The following RBFOX1 variants were observed in gnomAD, a reference collection of about 807,000 sequenced individuals.
RBFOX1 encodes the protein RNA binding fox-1 homolog 1.
RBFOX1 carries 8 observed loss-of-function variants against 57.7 expected under a neutral mutation model. The observed-to-expected ratio is 0.14, with a 90% confidence interval of 0.08 to 0.25. The LOEUF (loss-of-function observed/expected upper bound fraction) is 0.25. Among genes scored for constraint, RBFOX1 ranks in the 10% least tolerant of loss-of-function variants. The pLI is 1.00. For missense variants in RBFOX1, 611 were observed against 548.5 expected (o/e 1.11, Z -1.14); for synonymous variants, 326 against 222.4 (o/e 1.47, Z -4.15).
intron 4 of RBFOX1, among the ~76,000 whole-genome samples, chr16:7,113,154 T>C (rs543085746): frequency 6.6e-6 from 1 of 152,148 alleles, no homozygotes. Flanking sequence ...CGTTTTTAAT[T>C]TGTCAACTAA....
chr16:7,604,755 A>G (rs1011295637), intron 9 of RBFOX1, among the ~76,000 whole-genome samples: 21 of 152,214 alleles, frequency 1.4e-4, no homozygotes, highest in Non-Finnish European at 1.2e-4. Flanking sequence ...TGGCAAATTT[A>G]TAATCTTTAA....
At chr16:7,437,619 A>G (rs1254870594) in intron 4 of RBFOX1, among the ~76,000 whole-genome samples, 1 of 152,216 alleles carries the variant, frequency 6.6e-6, no homozygotes, top group Non-Finnish European at 1.5e-5. Context: ...CTTTTATAAC[A>G]TAAAGGCTGT....
intron 14 of RBFOX1, among the ~76,000 whole-genome samples, chr16:7,704,680 G>A (rs1010444506): frequency 3.3e-5 from 5 of 152,170 alleles, no homozygotes; most frequent in African/African-American, 1.2e-4. Flanking sequence ...ATGATCAGGT[G>A]GAGTGGGAAA....
intron 3 of RBFOX1, among the ~76,000 whole-genome samples, chr16:6,870,877 G>C (rs2060745640): frequency 6.6e-6 from 1 of 152,146 alleles, no homozygotes; most frequent in Admixed American, 6.5e-5. Flanking sequence ...CTAACTTTGA[G>C]AGACTTGAAT....
At chr16:6,898,398 G>A (rs1055134143) in intron 3 of RBFOX1, among the ~76,000 whole-genome samples, 1 of 152,124 alleles carries the variant, frequency 6.6e-6, no homozygotes, top group Admixed American at 6.6e-5. Flanking sequence ...GTGCACCCCA[G>A]CCCCTGACAT....
chr16:6,151,363 G>A (rs911657111), intron 1 of RBFOX1, among the ~76,000 whole-genome samples: 5 of 152,128 alleles, frequency 3.3e-5, no homozygotes, highest in African/African-American at 1.2e-4. Context: ...TCGGCTCACT[G>A]CAACCTCTGC....
At position 6,931,315 on chromosome 16, in the gene RBFOX1, A is replaced by G. The variant is rs532640053; in HGVS notation, c.-15-120742A>G. ...TGTCTGTCTATCTATCTATCTATCT[A>G]TCTATCTATCTATCTATCTATCTCT... On this transcript the variant is annotated intron_variant, in intron 3 of 15. Coordinates refer to ENST00000550418, the MANE Select transcript of RBFOX1 (RefSeq NM_018723.4). Among the ~76,000 whole-genome samples the G allele has an allele frequency of 1.2e-4, 15 of 127,906 alleles. 1 individual carries two copies. Among genetic ancestry groups the G allele is most frequent in the African/African-American group, 4.1e-4 (12 of 29,238 alleles). The allele number at this position is 127,906 out of a possible 152,430, so 83.9% of individuals were successfully genotyped here.
chr16:5,989,176 A>C (rs939922176), intron 4 of RBFOX1, among the ~76,000 whole-genome samples: 1 of 151,424 alleles, frequency 6.6e-6, no homozygotes, highest in Admixed American at 6.6e-5. Flanking sequence ...AAAAAAATAC[A>C]AAAAATTAGC....
intron 2 of RBFOX1, among the ~76,000 whole-genome samples, chr16:5,566,320 C>T (rs567445294): frequency 6.6e-6 from 1 of 151,962 alleles, no homozygotes. Flanking sequence ...ATTCCACTGT[C>T]GGAAGATAGA....
chr16:7,025,584 G>C (rs1377715507), intron 3 of RBFOX1, among the ~76,000 whole-genome samples: 2 of 152,122 alleles, frequency 1.3e-5, no homozygotes, highest in East Asian at 1.9e-4. Flanking sequence ...GTGTGCATTT[G>C]CATGCTTCTC....
chr16:5,836,181 A>G (rs528905008), intron 3 of RBFOX1, among the ~76,000 whole-genome samples: 47 of 152,242 alleles, frequency 3.1e-4, no homozygotes, highest in African/African-American at 1.0e-3. Flanking sequence ...ACCAAGGGGG[A>G]CATGGGCTCT....
chr16:7,507,561 C>CTTTTTTTTTTTT lies in RBFOX1; in HGVS notation c.28-10583_28-10582insTTTTTTTTTTTT, dbSNP rs200393762. 4.9e-5 allele frequency among the ~76,000 whole-genome samples: 6 copies of CTTTTTTTTTTTT among 122,904 alleles called. 1 individual carries two copies. Among genetic ancestry groups the CTTTTTTTTTTTT allele is most frequent in the African/African-American group, 8.7e-5 (3 of 34,548 alleles). The allele number at this position is 122,904 out of a possible 152,430, so 80.6% of individuals were successfully genotyped here. ...TTGGAACGTGATTTTTTTTTTCTTT[C>CTTTTTTTTTTTT]TTTCTTTTTTTTTTTTTTTTGAGAC... On this transcript the variant is annotated intron_variant, in intron 4 of 15. Transcript: ENST00000550418.
chr16:6,208,066 A>G (rs558349854), intron 1 of RBFOX1, among the ~76,000 whole-genome samples: 1 of 152,154 alleles, frequency 6.6e-6, no homozygotes, highest in South Asian at 2.1e-4. Flanking sequence ...GTGTATATAT[A>G]TAGTCTGGCG....
chr16:6,582,568 C>G lies in RBFOX1; in HGVS notation c.-63-72035C>G, dbSNP rs368728702. 3.3e-3 allele frequency among the ~76,000 whole-genome samples: 499 copies of G among 151,834 alleles called. 5 individuals are homozygous for G. The highest frequency in any genetic ancestry group is 0.011 in the African/African-American group (474 of 41,420). Reference sequence around the variant, plus strand: ...CTTGAATCTATTAATTCTGGGCCTCCTCAATGAAAGGTTAAATTCATTTAA... The same window carrying G: ...CTTGAATCTATTAATTCTGGGCCTCGTCAATGAAAGGTTAAATTCATTTAA... On this transcript the variant is annotated intron_variant, in intron 2 of 15. Transcript: ENST00000550418.
intron 4 of RBFOX1, among the ~76,000 whole-genome samples, chr16:5,868,596 A>G (rs1465104678): frequency 4.6e-5 from 7 of 152,226 alleles, no homozygotes; most frequent in Admixed American, 4.6e-4. Flanking sequence ...CCTCGGATAC[A>G]GTAACTTGGT....
chr16:7,528,434 A>G (rs1018763855), intron 5 of RBFOX1, among the ~76,000 whole-genome samples: 3 of 152,210 alleles, frequency 2.0e-5, no homozygotes, highest in Admixed American at 2.0e-4. Context: ...TGAAGGACCT[A>G]ATTCCCTCTG....
chr16:5,848,383 C>T (rs957186426), intron 3 of RBFOX1, among the ~76,000 whole-genome samples: 10 of 152,074 alleles, frequency 6.6e-5, no homozygotes, highest in Non-Finnish European at 1.2e-4. Context: ...GTGCCTTCCC[C>T]ACTGAGGTTA....
rs186658286 is a variant in RBFOX1 at position 6,195,993 on chromosome 16, C to T, written c.-126-121002C>T. Among the ~76,000 whole-genome samples the T allele has an allele frequency of 2.0e-5, 3 of 152,250 alleles. No individual in the cohort carries two copies. The East Asian group carries it at 5.8e-4, about 29-fold the overall frequency. The stretch of plus-strand genomic sequence containing the variant: ...AGAAGTCTGGATTTGAAGTAAGAAT[C>T]ATAAAGACTAGGAGTACTTGTAATA... On this transcript the variant is annotated intron_variant, in intron 1 of 15. Coordinates refer to ENST00000550418, the MANE Select transcript of RBFOX1 (RefSeq NM_018723.4).
intron 3 of RBFOX1, among the ~76,000 whole-genome samples, chr16:6,801,633 A>C (rs2085481252): frequency 1.3e-5 from 2 of 151,966 alleles, no homozygotes; most frequent in Non-Finnish European, 2.9e-5. Flanking sequence ...GAGACAGCTA[A>C]TTGGGCAGGA....
Sources: allele counts gnomAD v4.1 joint callset (sites outside exome capture counted in the v4.1 genomes callset), GRCh38; gene constraint gnomAD v4.1.1; transcripts MANE v1.5; gene names NCBI Gene and HGNC (gene_info 2026-07-23, HGNC 2026-07-21).